The following JAZF1 variants were observed in gnomAD, a reference collection of about 807,000 sequenced individuals.
The protein encoded by JAZF1 is juxtaposed with another zinc finger protein 1.
A neutral mutation model predicts 26.4 loss-of-function variants in JAZF1; 8 were observed. The ratio of observed to expected loss-of-function variants is 0.30; its 90% CI spans 0.18 to 0.55. JAZF1 has a LOEUF of 0.55. Among genes scored for constraint, JAZF1 ranks in the 20% least tolerant of loss-of-function variants. The pLI, the probability that JAZF1 is intolerant of heterozygous loss-of-function variation, is 0.94. For missense variants in JAZF1, 199 were observed against 322.0 expected (o/e 0.62, Z 2.92); for synonymous variants, 126 against 122.3 (o/e 1.03, Z -0.20).
intron 3 of JAZF1, among the ~76,000 whole-genome samples, chr7:27,891,021 C>G (rs1035537068): frequency 6.6e-6 from 1 of 151,862 alleles, no homozygotes; most frequent in Non-Finnish European, 1.5e-5. Flanking sequence ...AACTCCTGAC[C>G]TCAAGTGATT....
At chr7:27,922,495 C>G (rs1419350664) in intron 2 of JAZF1, among the ~76,000 whole-genome samples, 2 of 152,124 alleles carry the variant, frequency 1.3e-5, no homozygotes, top group African/African-American at 2.4e-5. Flanking sequence ...GCAATCCGCC[C>G]GCCTCGGCCT....
At chr7:28,139,524 A>T (rs1351937155) in intron 1 of JAZF1, among the ~76,000 whole-genome samples, 2 of 152,236 alleles carry the variant, frequency 1.3e-5, no homozygotes, top group African/African-American at 4.8e-5. Context: ...TGAAGACTGG[A>T]GTTATGCTGA....
rs151117552 is a variant in JAZF1, at chr7:28,102,849, A to G, written c.115+77614T>C. On this transcript the variant is annotated intron_variant, in intron 1 of 4. Transcript: ENST00000283928. ...GCTGCTAAAATATCAGAACTAGTAC[A>G]AACACAATACCACCTCCAATGCAAA... Among the ~76,000 whole-genome samples, 632 of 152,326 alleles carry G rather than the reference A, an allele frequency of 4.1e-3. 4 individuals carry two copies. The highest frequency in any genetic ancestry group is 0.015 in the African/African-American group (615 of 41,570).
intron 2 of JAZF1, among the ~76,000 whole-genome samples, chr7:27,908,442 T>C (rs1784301205): frequency 6.6e-6 from 1 of 152,188 alleles, no homozygotes; most frequent in East Asian, 1.9e-4. Flanking sequence ...TTTTGGGGGT[T>C]GATTTTTTTT....
At chr7:27,972,952 T>TATAC (rs1554279112) in intron 2 of JAZF1, among the ~76,000 whole-genome samples, 2 of 149,926 alleles carry the variant, frequency 1.3e-5, no homozygotes, top group Admixed American at 6.7e-5. Context: ...TGTGTATATA[T>TATAC]ACACACACAC....
intron 3 of JAZF1, among the ~76,000 whole-genome samples, chr7:27,849,746 C>CACACAG (rs1554329059): frequency 3.5e-4 from 47 of 135,544 alleles, no homozygotes; most frequent in South Asian, 7.5e-4. Flanking sequence ...GGAACCCTTA[C>CACACAG]ACACAGACAC....
At chr7:28,134,451 C>T (rs1239613529) in intron 1 of JAZF1, among the ~76,000 whole-genome samples, 5 of 148,880 alleles carry the variant, frequency 3.4e-5, no homozygotes, top group African/African-American at 7.5e-5. Flanking sequence ...TAGGTATGCA[C>T]ACCAGCATGC....
intron 3 of JAZF1, among the ~76,000 whole-genome samples, chr7:27,849,756 C>CAGACACACACACAG (rs200915594): frequency 1.8e-4 from 26 of 147,558 alleles, no homozygotes; most frequent in African/African-American, 6.7e-4. Flanking sequence ...CACACAGACA[C>CAGACACACACACAG]ACACACACAC....
chr7:27,968,686 G>C (rs1785319751), intron 2 of JAZF1, among the ~76,000 whole-genome samples: 1 of 152,118 alleles, frequency 6.6e-6, no homozygotes, highest in Admixed American at 6.5e-5. Context: ...TTCTGGCTTT[G>C]AGTTTTCAAA....
chr7:28,157,293 G>C (rs1359680222), intron 1 of JAZF1, among the ~76,000 whole-genome samples: 1 of 152,238 alleles, frequency 6.6e-6, no homozygotes, highest in East Asian at 1.9e-4. Flanking sequence ...CCACAGCCTA[G>C]AGTAGAAGGT....
intron 2 of JAZF1, among the ~76,000 whole-genome samples, chr7:27,960,452 G>T (rs755077923): frequency 7.2e-5 from 11 of 152,228 alleles, no homozygotes; most frequent in Non-Finnish European, 1.5e-4. Flanking sequence ...AGAAGAGAAG[G>T]CATTGTGTAA....
chr7:28,062,413 G>C (rs1454552116), intron 1 of JAZF1, among the ~76,000 whole-genome samples: 1 of 152,078 alleles, frequency 6.6e-6, no homozygotes, highest in African/African-American at 2.4e-5. Context: ...CATGTATATA[G>C]GGACATCTCT....
chr7:28,056,639 A>C (rs1467721942), intron 1 of JAZF1, among the ~76,000 whole-genome samples: 1 of 152,190 alleles, frequency 6.6e-6, no homozygotes, highest in Non-Finnish European at 1.5e-5. Context: ...ACAGCTCATG[A>C]AATCAGGAGA....
At chr7:28,161,228 CTTTT>C (rs1179534614) in intron 1 of JAZF1, among the ~76,000 whole-genome samples, 2 of 99,144 alleles carry the variant, frequency 2.0e-5, no homozygotes, top group Admixed American at 1.3e-4. Flanking sequence ...TTGGTTTTTA[CTTTT>C]TTTAACTTGA....
chr7:27,994,357 A>T (rs1785968275), intron 1 of JAZF1, among the ~76,000 whole-genome samples: 1 of 151,944 alleles, frequency 6.6e-6, no homozygotes, highest in Non-Finnish European at 1.5e-5. Context: ...TTCATAACCT[A>T]TTCTAGACTT....
chr7:27,923,126 C>T (rs1188844393), intron 2 of JAZF1, among the ~76,000 whole-genome samples: 1 of 152,160 alleles, frequency 6.6e-6, no homozygotes, highest in East Asian at 1.9e-4. Flanking sequence ...CATTCTAAGA[C>T]CATGCCTTCT....
rs532887547 is a variant in JAZF1 at position 28,016,015 on chromosome 7, C to T, written c.116-24034G>A. The stretch of plus-strand genomic sequence containing the variant: ...GCTAGGCCTCCTCTAACAGTAGCTG[C>T]TCCTCTTCCAGACAGTGACGGCATT... On this transcript the variant is annotated intron_variant, in intron 1 of 4. Transcript: ENST00000283928. Among the ~76,000 whole-genome samples, 9 of 152,326 alleles carry T rather than the reference C, an allele frequency of 5.9e-5. No homozygotes were observed. In the East Asian group the frequency reaches 1.7e-3, roughly 29 times the overall value.
At chr7:27,999,014 G>T (rs1045980553) in intron 1 of JAZF1, among the ~76,000 whole-genome samples, 5 of 152,138 alleles carry the variant, frequency 3.3e-5, no homozygotes, top group Admixed American at 6.5e-5. Context: ...GACACTACCA[G>T]TTCACACTCT....
intron 1 of JAZF1, among the ~76,000 whole-genome samples, chr7:28,176,085 G>C (rs1408572902): frequency 2.0e-5 from 3 of 152,104 alleles, no homozygotes; most frequent in Non-Finnish European, 4.4e-5. Flanking sequence ...TTATTACCTG[G>C]GTTTTGGAGA....
Sources: gnomAD v4.1 joint callset for allele counts (sites outside exome capture counted in the v4.1 genomes callset) on GRCh38, gnomAD v4.1.1 for gene constraint, MANE v1.5 for transcripts, NCBI Gene and HGNC (gene_info 2026-07-23, HGNC 2026-07-21) for gene names.